Variants in COL4A2 observed in about 807,000 individuals in gnomAD.
The protein encoded by COL4A2 is collagen alpha-2(IV) chain.
A neutral mutation model predicts 200.2 loss-of-function variants in COL4A2; 99 were observed. That is an observed-to-expected ratio of 0.49 (90% CI 0.42 to 0.58). COL4A2 has a LOEUF of 0.58. Among genes scored for constraint, COL4A2 ranks in the 20% least tolerant of loss-of-function variants. The pLI is 0.00. For missense variants in COL4A2, 1,950 were observed against 2,314.1 expected (o/e 0.84, Z 3.23); for synonymous variants, 897 against 900.6 (o/e 1.00, Z 0.07).
rs768393669 is a variant in COL4A2, at chr13:110,436,283, G to A, written c.741G>A (p.Gln247=). Residue 247 remains glutamine, a synonymous_variant, in exon 13 of 48, where the codon CAG becomes CAA. Coordinates refer to ENST00000360467, the MANE Select transcript of COL4A2 (RefSeq NM_001846.4). Reference sequence around the variant, plus strand: ...ACAATATGCAGGGTGACGTAGGGCAGCCGGGACCCAACGGGATTCCATCAG... The same window carrying A: ...ACAATATGCAGGGTGACGTAGGGCAACCGGGACCCAACGGGATTCCATCAG... ...GVKGEKGDVG[Q]PGPNGIPSDT... The A allele has an allele frequency of 1.9e-6, 3 of 1,613,866 alleles. No individual in the cohort carries two copies. Among genetic ancestry groups the A allele is most frequent in the African/African-American group, 1.3e-5 (1 of 74,838 alleles).
At chr13:110,477,440 A>C (rs1423631206) in intron 29 of COL4A2, among the ~76,000 whole-genome samples, 1 of 152,194 alleles carries the variant, frequency 6.6e-6, no homozygotes, top group Admixed American at 6.5e-5. Context: ...ACAACATTAA[A>C]TTAGTGTTTG....
At chr13:110,404,098 C>T (rs1458382269) in intron 4 of COL4A2, among the ~76,000 whole-genome samples, 1 of 152,218 alleles carries the variant, frequency 6.6e-6, no homozygotes, top group Non-Finnish European at 1.5e-5. Context: ...AATGCCAACA[C>T]ACTGGGGATC....
chr13:110,456,163 C>T (rs1327309947), intron 20 of COL4A2, among the ~76,000 whole-genome samples: 1 of 152,256 alleles, frequency 6.6e-6, no homozygotes, highest in African/African-American at 2.4e-5. Context: ...CCGCCGGGAT[C>T]ATTGAGCCCT....
At chr13:110,442,279 T>C (rs7323582) in intron 16 of COL4A2, among the ~76,000 whole-genome samples, 13,093 of 152,220 alleles carry the variant, frequency 0.086, 690 homozygotes, top group East Asian at 0.25. Context: ...TGCAACAACT[T>C]GCGAAGATGC....
chr13:110,438,063 C>G, intron 14 of COL4A2, 26 bp downstream of exon 14: 1 of 1,608,064 alleles, frequency 6.2e-7, no homozygotes, highest in Non-Finnish European at 8.5e-7. Flanking sequence ...AGCATGCCCC[C>G]TCCCCTGTGG....
chr13:110,504,636 C>T (rs1339871847), intron 45 of COL4A2, among the ~76,000 whole-genome samples: 1 of 152,166 alleles, frequency 6.6e-6, no homozygotes, highest in Non-Finnish European at 1.5e-5. Flanking sequence ...CAGAGTCTCG[C>T]TCTGTCTCAC....
intron 16 of COL4A2, among the ~76,000 whole-genome samples, chr13:110,444,928 G>A (rs781687900): frequency 4.6e-5 from 7 of 152,182 alleles, no homozygotes; most frequent in Non-Finnish European, 7.3e-5. Flanking sequence ...ACAGCTCACT[G>A]CAACCTCAAA....
intron 16 of COL4A2, among the ~76,000 whole-genome samples, chr13:110,443,309 A>G (rs961508347): frequency 6.6e-6 from 1 of 152,204 alleles, no homozygotes; most frequent in Non-Finnish European, 1.5e-5. Flanking sequence ...GAAGAACAGA[A>G]AGATAACAGG....
At position 110,436,078 on chromosome 13, in the gene COL4A2, T is replaced by C. The variant is rs765385010; in HGVS notation, c.727-191T>C. On this transcript the variant is annotated intron_variant, in intron 12 of 47. Transcript: ENST00000360467. ...TGCATAAATTCTAAATGATTGCTAA[T>C]GAAAGGAGGATATAAAAAACTTACA... 3 of 817,894 alleles carry C rather than the reference T, an allele frequency of 3.7e-6. No homozygotes were observed. The Admixed American group carries it at 5.8e-5, about 16-fold the overall frequency. The allele number at this position is 817,894 out of a possible 1,614,324, so 50.7% of individuals were successfully genotyped here.
chr13:110,468,463 C>T (rs1882340648), intron 27 of COL4A2: 6 of 379,076 alleles, frequency 1.6e-5, no homozygotes, highest in Non-Finnish European at 2.7e-5. Flanking sequence ...GTGCCAAGGC[C>T]GGTCTCCGGG....
chr13:110,509,761 T>C (rs1472259427), intron 47 of COL4A2, among the ~76,000 whole-genome samples: 1 of 152,126 alleles, frequency 6.6e-6, no homozygotes, highest in Non-Finnish European at 1.5e-5. Context: ...CTTACATAAA[T>C]GGCTGACAGC....
intron 4 of COL4A2, among the ~76,000 whole-genome samples, chr13:110,388,288 C>T (rs1187942009): frequency 6.6e-6 from 1 of 152,236 alleles, no homozygotes; most frequent in Non-Finnish European, 1.5e-5. Context: ...CTGCCGGCAC[C>T]TTGGGAGGCA....
chr13:110,429,350 T>C (rs1366531838), intron 7 of COL4A2: 1 of 153,248 alleles, frequency 6.5e-6, no homozygotes, highest in Non-Finnish European at 1.5e-5. Flanking sequence ...CTATATATCA[T>C]CAATTTCATT....
Position 110,478,079 on chromosome 13 carries a change from G to A in COL4A2, c.2502G>A (p.Leu834=), listed in dbSNP as rs1034589988. The part of the protein sequence containing the change: ...GLPGPSGQPG[L]YGPPGLHGFP... ...CAGGACCTTCCGGCCAGCCAGGCCTGTATGGGCCTCCAGGACTGCATGGAT... is the reference window on the plus strand; with the variant it reads ...CAGGACCTTCCGGCCAGCCAGGCCTATATGGGCCTCCAGGACTGCATGGAT... The change falls in exon 30 of 48, where the codon CTG becomes CTA. Residue 834 remains leucine (L), a synonymous_variant. Transcript: ENST00000360467. 1.9e-5 allele frequency: 31 copies of A among 1,609,846 alleles called. No homozygotes were observed. The East Asian group carries it at 6.0e-4, about 31-fold the overall frequency.
chr13:110,414,149 G>A (rs1323485068), intron 4 of COL4A2, among the ~76,000 whole-genome samples: 4 of 152,108 alleles, frequency 2.6e-5, no homozygotes, highest in African/African-American at 4.8e-5. Flanking sequence ...CAGTCCAGCC[G>A]GGCAACAGCA....
chr13:110,465,166 C>T (rs908660938), intron 24 of COL4A2, among the ~76,000 whole-genome samples: 14 of 152,180 alleles, frequency 9.2e-5, no homozygotes, highest in African/African-American at 3.4e-4. Context: ...GAGAAATGCT[C>T]AAGCATGTAC....
At chr13:110,504,448 C>T (rs1339423686) in intron 45 of COL4A2, among the ~76,000 whole-genome samples, 184 bp downstream of exon 45, 2 of 152,186 alleles carry the variant, frequency 1.3e-5, no homozygotes, top group African/African-American at 4.8e-5. Context: ...ACACCTGGCC[C>T]CGAGTCCTGG....
rs189856841 is a variant in COL4A2 at position 110,451,719 on chromosome 13, A to G, written c.1339+1265A>G. Among the ~76,000 whole-genome samples, 8 of 152,318 alleles carry G rather than the reference A, an allele frequency of 5.3e-5. No individual in the cohort carries two copies. In the East Asian group the frequency reaches 1.5e-3, roughly 29 times the overall value. On this transcript the variant is annotated intron_variant, in intron 20 of 47. Transcript: ENST00000360467. Reference sequence around the variant, plus strand: ...CTGGGGATTATGGGAACTACAACTCAAGATGAGATTTCAGTGGGGACACAA... The same window carrying G: ...CTGGGGATTATGGGAACTACAACTCGAGATGAGATTTCAGTGGGGACACAA...
At chr13:110,471,506 G>C (rs1364115630) in intron 28 of COL4A2, among the ~76,000 whole-genome samples, 1 of 152,190 alleles carries the variant, frequency 6.6e-6, no homozygotes, top group Non-Finnish European at 1.5e-5. Context: ...AAATCAGAGA[G>C]TCTATTCCAG....
Sources: gnomAD v4.1 joint callset for allele counts (sites outside exome capture counted in the v4.1 genomes callset) on GRCh38, gnomAD v4.1.1 for gene constraint, MANE v1.5 for transcripts, NCBI Gene and HGNC (gene_info 2026-07-23, HGNC 2026-07-21) for gene names.